Variants in GSE1 observed in about 807,000 individuals in gnomAD.
GSE1 encodes Gse1 coiled-coil protein, also known as genetic suppressor element 1.
Under a neutral mutation model 112.6 loss-of-function variants are expected in GSE1, and 32 were observed. The ratio of observed to expected loss-of-function variants is 0.28; its 90% CI spans 0.21 to 0.38. GSE1 has a LOEUF of 0.38. Ranked by LOEUF, GSE1 falls within the 10% of genes least tolerant of loss-of-function variation. The pLI, the probability that GSE1 is intolerant of heterozygous loss-of-function variation, is 1.00. For synonymous variants in GSE1, 1,115 were observed against 735.6 expected, an observed-to-expected ratio of 1.52 and a Z score of -8.35; for missense variants, 2,348 against 1,699.2, an observed-to-expected ratio of 1.38 and a Z score of -6.71.
intron 2 of GSE1, among the ~76,000 whole-genome samples, chr16:85,644,894 TA>T (rs2050728064): frequency 2.0e-5 from 3 of 151,960 alleles, no homozygotes; most frequent in Non-Finnish European, 4.4e-5. Context: ...CCCTAGTTTT[TA>T]TTTTTTTTCC....
chr16:85,211,317 T>G (rs1053393468), intron 1 of GSE1, among the ~76,000 whole-genome samples: 1 of 152,004 alleles, frequency 6.6e-6, no homozygotes, highest in African/African-American at 2.4e-5. Context: ...TTTTTGTTTT[T>G]TTTTTTTAAG....
At chr16:85,555,424 G>A, upstream of GSE1, 1 of 982,672 alleles carries the variant, frequency 1.0e-6, no homozygotes, top group Non-Finnish European at 1.2e-6. Flanking sequence ...TGGCGAGAGG[G>A]GGAGGGGAGC....
intron 3 of GSE1, among the ~76,000 whole-genome samples, chr16:85,651,606 C>A (rs577619307): frequency 6.6e-6 from 1 of 152,276 alleles, no homozygotes; most frequent in East Asian, 1.9e-4. Flanking sequence ...GGGCAGCATG[C>A]GGAGGAGGGC....
intron 2 of GSE1, among the ~76,000 whole-genome samples, chr16:85,400,671 G>T (rs1311362029): frequency 6.6e-6 from 1 of 151,424 alleles, no homozygotes; most frequent in African/African-American, 2.4e-5. Context: ...TATGTTGCGT[G>T]TGTCTCTGTG....
intron 2 of GSE1, among the ~76,000 whole-genome samples, chr16:85,396,556 C>A (rs1461424560): frequency 6.6e-6 from 1 of 152,258 alleles, no homozygotes; most frequent in African/African-American, 2.4e-5. Context: ...CTGCCAGAGG[C>A]AGCTGCCCAC....
At chr16:85,567,672 G>A (rs527661112) in intron 1 of GSE1, among the ~76,000 whole-genome samples, 1 of 152,370 alleles carries the variant, frequency 6.6e-6, no homozygotes, top group East Asian at 1.9e-4. Context: ...TCTGTTGGTT[G>A]CAAGTGAGGG....
intron 1 of GSE1, among the ~76,000 whole-genome samples, chr16:85,336,573 G>A (rs1344290997): frequency 6.6e-6 from 1 of 152,010 alleles, no homozygotes; most frequent in African/African-American, 2.4e-5. Context: ...GCATGTTCAT[G>A]TGTGCACAGG....
intron 2 of GSE1, among the ~76,000 whole-genome samples, chr16:85,470,914 C>T (rs1330475106): frequency 6.6e-6 from 1 of 152,200 alleles, no homozygotes; most frequent in Non-Finnish European, 1.5e-5. Context: ...AAAATAAAAC[C>T]CAGTGAATTT....
At chr16:85,620,414 CAT>C (rs1361274981) in intron 1 of GSE1, among the ~76,000 whole-genome samples, 10 of 152,220 alleles carry the variant, frequency 6.6e-5, no homozygotes, top group African/African-American at 1.2e-4. Context: ...TTGCATTTGA[CAT>C]GTGGTATTTT....
chr16:85,554,605 GAAAC>G (rs1029915369), upstream of GSE1, among the ~76,000 whole-genome samples: 1 of 152,122 alleles, frequency 6.6e-6, no homozygotes, highest in South Asian at 2.1e-4. Context: ...AGAAAGGAGG[GAAAC>G]AAACCGCTCG....
chr16:85,335,478 G>T (rs1178948299), intron 1 of GSE1, among the ~76,000 whole-genome samples: 2 of 150,800 alleles, frequency 1.3e-5, no homozygotes, highest in South Asian at 4.1e-4. Flanking sequence ...CGTGCTGTGC[G>T]GGCTGGCAGG....
chr16:85,207,399 G>A (rs1471386541), intron 1 of GSE1, among the ~76,000 whole-genome samples: 1 of 152,234 alleles, frequency 6.6e-6, no homozygotes, highest in Non-Finnish European at 1.5e-5. Context: ...CACCCAGCAG[G>A]TTCCTGCTGA....
At chr16:85,319,020 AAAGCGAG>A (rs1476590256) in intron 1 of GSE1, among the ~76,000 whole-genome samples, 2 of 152,186 alleles carry the variant, frequency 1.3e-5, no homozygotes, top group Non-Finnish European at 2.9e-5. Context: ...TGTCCTTTGG[AAAGCGAG>A]CATCATCTGT....
chr16:85,287,747 C>A (rs1185186786), intron 1 of GSE1, among the ~76,000 whole-genome samples: 1 of 152,096 alleles, frequency 6.6e-6, no homozygotes, highest in African/African-American at 2.4e-5. Flanking sequence ...GCATGTGTTA[C>A]CAGCACTGGC....
At chr16:85,602,209 C>T (rs2047496598) in intron 1 of GSE1, among the ~76,000 whole-genome samples, 1 of 151,890 alleles carries the variant, frequency 6.6e-6, no homozygotes, top group Non-Finnish European at 1.5e-5. Flanking sequence ...GTTAGCAGCA[C>T]ACAGCGCCCA....
At chr16:85,596,172 C>G (rs1019742043) in intron 1 of GSE1, among the ~76,000 whole-genome samples, 1 of 152,112 alleles carries the variant, frequency 6.6e-6, no homozygotes, top group Non-Finnish European at 1.5e-5. Flanking sequence ...CTGCCTCCCC[C>G]ACCGCTGCAT....
rs148516903 is a variant in GSE1 at position 85,661,472 on chromosome 16, C to T, written c.1967C>T (p.Pro656Leu). The T allele has an allele frequency of 1.2e-3, 1,874 of 1,611,726 alleles. 3 individuals carry two copies. Among genetic ancestry groups the T allele is most frequent in the Non-Finnish European group, 1.2e-3 (1,424 of 1,179,408 alleles). Residue 656 changes from proline (P) to leucine (L), a missense_variant, in exon 9 of 16, where the codon CCA becomes CTA. Coordinates refer to ENST00000253458, the MANE Select transcript of GSE1 (RefSeq NM_014615.5). Reference protein sequence around the residue: ...LDKYQPPPPPPREGGSLEHQP... With the variant: ...LDKYQPPPPPLREGGSLEHQP... ...AAGTACCAGCCACCTCCGCCGCCAC[C>T]ACGAGAGGGAGGGAGCCTGGAGCAC...
upstream of GSE1, chr16:85,555,583 T>G: frequency 3.4e-6 from 2 of 591,004 alleles, no homozygotes; most frequent in South Asian, 8.1e-5. Flanking sequence ...CCTCCTCCTC[T>G]CCCCGCCACC....
chr16:85,353,300 T>C (rs2046887175), intron 1 of GSE1, among the ~76,000 whole-genome samples: 1 of 152,254 alleles, frequency 6.6e-6, no homozygotes, highest in African/African-American at 2.4e-5. Flanking sequence ...TGAGGGCTGC[T>C]ACGCACCTTC....
Sources: allele counts gnomAD v4.1 joint callset (sites outside exome capture counted in the v4.1 genomes callset), GRCh38; gene constraint gnomAD v4.1.1; transcripts MANE v1.5; gene names NCBI Gene and HGNC (gene_info 2026-07-23, HGNC 2026-07-21).